SPAG16: variants seen among roughly 807,000 people sequenced by gnomAD.
SPAG16 encodes the protein sperm associated antigen 16, also known as sperm-associated antigen 16 protein.
Under a neutral mutation model 80.4 loss-of-function variants are expected in SPAG16, and 86 were observed. The ratio of observed to expected loss-of-function variants is 1.07; its 90% confidence interval spans 0.90 to 1.28. The LOEUF (loss-of-function observed/expected upper bound fraction) is 1.28, where lower values mean the gene tolerates loss of function less well. Ranked by LOEUF, SPAG16 falls within the 50% of genes most tolerant of loss-of-function variation. The pLI, the probability that SPAG16 is intolerant of heterozygous loss-of-function variation, is 0.00. For synonymous variants in SPAG16, 294 were observed against 265.9 expected (o/e 1.11, Z -1.03); for missense variants, 870 against 765.3 (o/e 1.14, Z -1.61).
intron 11 of SPAG16, among the ~76,000 whole-genome samples, chr2:213,917,377 T>C (rs1352709140): frequency 6.6e-6 from 1 of 152,236 alleles, no homozygotes; most frequent in Non-Finnish European, 1.5e-5. Flanking sequence ...TATGGCCATT[T>C]TAATAATATT....
chr2:213,288,901 G>A (rs896768968), intron 1 of SPAG16, among the ~76,000 whole-genome samples: 3 of 151,942 alleles, frequency 2.0e-5, no homozygotes, highest in Admixed American at 2.0e-4. Context: ...TACATACCCC[G>A]TGTATATTCA....
chr2:213,295,379 A>T (rs1188733365), intron 1 of SPAG16, among the ~76,000 whole-genome samples: 3 of 152,088 alleles, frequency 2.0e-5, no homozygotes, highest in Non-Finnish European at 4.4e-5. Context: ...GAATTATTTT[A>T]TGTTAGAATC....
chr2:213,589,980 A>G (rs2060627621), intron 10 of SPAG16, among the ~76,000 whole-genome samples: 1 of 151,732 alleles, frequency 6.6e-6, no homozygotes, highest in Non-Finnish European at 1.5e-5. Flanking sequence ...CTGAGTTTAC[A>G]TTTTGTCATC....
chr2:214,316,475 A>C (rs1199608145), intron 15 of SPAG16, among the ~76,000 whole-genome samples: 1 of 152,136 alleles, frequency 6.6e-6, no homozygotes, highest in Non-Finnish European at 1.5e-5. Context: ...AAAAATGAGC[A>C]GTTTTTACTG....
chr2:214,267,141 CA>C (rs1281780002), intron 15 of SPAG16, among the ~76,000 whole-genome samples: 1 of 149,516 alleles, frequency 6.7e-6, no homozygotes, highest in Non-Finnish European at 1.5e-5. Flanking sequence ...TAACTTTTAC[CA>C]AAAAGATAAA....
At chr2:213,378,706 G>T (rs1056912497) in intron 9 of SPAG16, among the ~76,000 whole-genome samples, 1 of 152,190 alleles carries the variant, frequency 6.6e-6, no homozygotes, top group Non-Finnish European at 1.5e-5. Flanking sequence ...TTACTACCTT[G>T]TTCTATCTAT....
chr2:213,398,828 T>C (rs1210545317), intron 9 of SPAG16, among the ~76,000 whole-genome samples: 1 of 152,190 alleles, frequency 6.6e-6, no homozygotes, highest in Admixed American at 6.5e-5. Flanking sequence ...TATTTATTAA[T>C]TGTATTCACT....
chr2:214,322,698 C>T (rs1696185636), intron 15 of SPAG16, among the ~76,000 whole-genome samples: 1 of 152,128 alleles, frequency 6.6e-6, no homozygotes, highest in Non-Finnish European at 1.5e-5. Flanking sequence ...AACCTGCACA[C>T]TCATCTACCA....
intron 14 of SPAG16, among the ~76,000 whole-genome samples, chr2:214,120,344 TATAGAA>T (rs1484977995): frequency 6.6e-6 from 1 of 151,844 alleles, no homozygotes; most frequent in Admixed American, 6.6e-5. Context: ...CTACATTTCT[TATAGAA>T]ATGTAGTATT....
chr2:214,321,509 G>A (rs567821213), intron 15 of SPAG16, among the ~76,000 whole-genome samples: 2 of 152,294 alleles, frequency 1.3e-5, no homozygotes, highest in East Asian at 3.9e-4. Flanking sequence ...GAAGGCAGTG[G>A]CTCTGGTTCT....
chr2:214,306,248 GTTGT>G (rs1201827063), intron 15 of SPAG16, among the ~76,000 whole-genome samples: 3 of 152,168 alleles, frequency 2.0e-5, no homozygotes, highest in African/African-American at 7.2e-5. Context: ...CTTTGCTGAA[GTTGT>G]TTATTTGTCA....
At chr2:213,305,647 T>C (rs765054016) in intron 3 of SPAG16, among the ~76,000 whole-genome samples, 2 of 152,210 alleles carry the variant, frequency 1.3e-5, no homozygotes, top group African/African-American at 4.8e-5. Context: ...TCTTTTGTTA[T>C]GATGTATCAC....
intron 15 of SPAG16, among the ~76,000 whole-genome samples, chr2:214,361,758 C>T (rs929782534): frequency 6.6e-6 from 1 of 151,848 alleles, no homozygotes; most frequent in African/African-American, 2.4e-5. Context: ...TTTTAAAACC[C>T]AACTCCAAGT....
chr2:213,497,272 G>T (rs1243349292), intron 10 of SPAG16, among the ~76,000 whole-genome samples: 3 of 151,894 alleles, frequency 2.0e-5, no homozygotes, highest in South Asian at 2.1e-4. Context: ...TTATCTTTTT[G>T]GGGTGTGTTC....
intron 15 of SPAG16, among the ~76,000 whole-genome samples, chr2:214,197,690 A>C (rs141410090): frequency 6.6e-6 from 1 of 152,002 alleles, no homozygotes; most frequent in Non-Finnish European, 1.5e-5. Flanking sequence ...TTTTTGTTTC[A>C]TCAGAGTTCT....
At chr2:214,334,448 C>G (rs1253102421) in intron 15 of SPAG16, among the ~76,000 whole-genome samples, 1 of 152,134 alleles carries the variant, frequency 6.6e-6, no homozygotes, top group East Asian at 1.9e-4. Context: ...CCCAATTTTC[C>G]TTCCCATTCA....
intron 15 of SPAG16, among the ~76,000 whole-genome samples, chr2:214,256,572 G>A (rs1450360925): frequency 1.1e-5 from 1 of 87,242 alleles, no homozygotes; most frequent in African/African-American, 3.8e-5. Flanking sequence ...TTATAAATCT[G>A]GGCGAGAGTT....
At chr2:213,904,525 T>C (rs1018234077) in intron 11 of SPAG16, among the ~76,000 whole-genome samples, 1 of 144,050 alleles carries the variant, frequency 6.9e-6, no homozygotes, top group African/African-American at 2.6e-5. Flanking sequence ...GTGGGAATTA[T>C]GGAAGTACAA....
Position 213,594,962 on chromosome 2 carries a change from CCTGT to C in SPAG16, c.1070+104875_1070+104878del, listed in dbSNP as rs1260757410. ...CCTTATCTGTCTGTCTGTCTGCCTG[CCTGT>C]CTATTTATGTATCTACATTAGCTCA... On this transcript the variant is annotated intron_variant, in intron 10 of 15. Coordinates refer to ENST00000331683, the MANE Select transcript of SPAG16 (RefSeq NM_024532.5). Among the ~76,000 whole-genome samples the C allele has an allele frequency of 3.9e-5, 6 of 151,970 alleles. No homozygotes were observed. The East Asian group carries it at 7.7e-4, about 20-fold the overall frequency.
Sources: gnomAD v4.1 joint callset for allele counts (sites outside exome capture counted in the v4.1 genomes callset) on GRCh38, gnomAD v4.1.1 for gene constraint, MANE v1.5 for transcripts, NCBI Gene and HGNC (gene_info 2026-07-23, HGNC 2026-07-21) for gene names.